The following PRAM1 variants were observed in gnomAD, a reference collection of about 807,000 sequenced individuals.
PRAM1 encodes the protein PML-RARA-regulated adapter molecule 1.
Under a neutral mutation model 55.3 loss-of-function variants are expected in PRAM1, and 41 were observed. The ratio of observed to expected loss-of-function variants is 0.74; its 90% CI spans 0.58 to 0.96. PRAM1 has a LOEUF of 0.96. Ranked by LOEUF, PRAM1 falls within the 40% of genes least tolerant of loss-of-function variation. The probability of loss-of-function intolerance (pLI) is 0.00; values close to 1 mark genes in which losing one functional copy is unlikely to be tolerated. For missense variants in PRAM1, 898 were observed against 892.7 expected (o/e 1.01, Z -0.08); for synonymous variants, 401 against 387.1 (o/e 1.04, Z -0.42).
chr19:8,498,199 C>G (rs370225663), intron 3 of PRAM1, 24 bp downstream of exon 3: 62 of 1,607,390 alleles, frequency 3.9e-5, no homozygotes, highest in African/African-American at 1.3e-5. Context: ...TCCGCACCCA[C>G]CTCCGCTTCC....
Position 8,499,259 on chromosome 19 carries a change from G to A in PRAM1, c.549C>T (p.Pro183=). 6.2e-7 allele frequency: 1 copy of A among 1,610,676 alleles called. No homozygotes were observed. The highest frequency in any genetic ancestry group is 8.5e-7 in the Non-Finnish European group (1 of 1,177,978). Reference sequence around the variant, plus strand: ...GCTTCCTGGGGAATGCGCCGGATTTGGGTTCGGAGGGGGGTCTGGCGGGGT... The same window carrying A: ...GCTTCCTGGGGAATGCGCCGGATTTAGGTTCGGAGGGGGGTCTGGCGGGGT... ...LSHPARPPSE[P]KSGAFPRKLW... is the part of the protein sequence containing the mutation. Residue 183 remains proline, a synonymous_variant, in exon 2 of 10, where the codon CCC becomes CCT. Transcript: ENST00000423345.
chr19:8,498,694 G>A lies in PRAM1; in HGVS notation c.1114C>T (p.Pro372Ser), dbSNP rs1568316816. Residue 372 changes from proline to serine, a missense_variant, in exon 2 of 10, where the codon CCT becomes TCT. Physicochemically the swap from Pro to Ser is moderately conservative, Grantham distance 74 (BLOSUM62 -1). Transcript: ENST00000423345. Reference protein sequence around the residue: ...PSAVLKRHPQPEFFGDLPRKP... With the variant: ...PSAVLKRHPQSEFFGDLPRKP... ...CGAGGGAGATCACCGAAGAACTCAG[G>A]CTGCGGGTGTCTCTTGAGGACAGCG... 1.9e-6 allele frequency: 3 copies of A among 1,603,266 alleles called. No individual in the cohort carries two copies. Among genetic ancestry groups the A allele is most frequent in the Non-Finnish European group, 2.6e-6 (3 of 1,175,498 alleles).
intron 1 of PRAM1, among the ~76,000 whole-genome samples, chr19:8,500,162 A>G (rs926521066): frequency 2.1e-5 from 3 of 145,138 alleles, no homozygotes; most frequent in Admixed American, 1.4e-4. Flanking sequence ...GCTGGAGAGC[A>G]GTGGTGCAAT....
At chr19:8,493,000 A>G (rs1428464669) in intron 4 of PRAM1, among the ~76,000 whole-genome samples, 1 of 152,128 alleles carries the variant, frequency 6.6e-6, no homozygotes, top group East Asian at 1.9e-4. Flanking sequence ...CTGTCTCAAA[A>G]TAGTAAATAA....
intron 1 of PRAM1, among the ~76,000 whole-genome samples, chr19:8,500,094 A>AC (rs1221239280): frequency 4.1e-5 from 2 of 48,234 alleles, no homozygotes; most frequent in East Asian, 1.3e-3. Flanking sequence ...AGCATCCTTG[A>AC]CCCCCTCATT....
chr19:8,494,221 T>C (rs1281278418), intron 4 of PRAM1, among the ~76,000 whole-genome samples: 3 of 152,144 alleles, frequency 2.0e-5, no homozygotes, highest in Non-Finnish European at 4.4e-5. Context: ...AGGCAGATGC[T>C]CCTAGCCTCG....
At position 8,499,281 on chromosome 19, in the gene PRAM1, G is replaced by T; in HGVS notation, c.527C>A (p.Pro176His). ...TTTGGGTTCGGAGGGGGGTCTGGCG[G>T]GGTGACTGAGTTCGTCGGGCTGCAG... ...KPLQPDELSH[P>H]ARPPSEPKSG... Residue 176 changes from proline (P) to histidine (H), a missense_variant, in exon 2 of 10, where the codon CCC (proline) becomes CAC (histidine). By Grantham distance (77) the Pro-to-His change is moderately conservative. Coordinates refer to ENST00000423345, the MANE Select transcript of PRAM1 (RefSeq NM_032152.5). 1 of 1,609,762 alleles carries T rather than the reference G, an allele frequency of 6.2e-7. No homozygotes were observed.
Position 8,490,300 on chromosome 19 carries a change from G to T in PRAM1, c.1975+38C>A, listed in dbSNP as rs1259272649. The T allele has an allele frequency of 1.2e-6, 2 of 1,613,872 alleles. No homozygotes were observed. Among genetic ancestry groups the T allele is most frequent in the Non-Finnish European group, 8.5e-7 (1 of 1,179,828 alleles). ...TAGTGAGCAGCGCCCCCGGGGAATC[G>T]CCAGGGTCCCTCCAGCCCTCCCAGA... On this transcript the variant is annotated intron_variant, in intron 9 of 9. Coordinates refer to ENST00000423345, the MANE Select transcript of PRAM1 (RefSeq NM_032152.5). This position sits in a 1 kb window ranked among gnomAD's most constrained non-coding sequence, Gnocchi z 7.3.
At chr19:8,500,002 T>C (rs1971783787) in intron 1 of PRAM1, among the ~76,000 whole-genome samples, 1 of 151,788 alleles carries the variant, frequency 6.6e-6, no homozygotes, top group Non-Finnish European at 1.5e-5. Flanking sequence ...CAACCTCCTC[T>C]AGCAGCACTG....
At chr19:8,500,835 G>A (rs1010741916) in intron 1 of PRAM1, among the ~76,000 whole-genome samples, 1 of 152,084 alleles carries the variant, frequency 6.6e-6, no homozygotes, top group Non-Finnish European at 1.5e-5. Context: ...GCGCGATCTC[G>A]GCTCACTGCA....
intron 1 of PRAM1, among the ~76,000 whole-genome samples, chr19:8,501,201 C>T (rs1167503620): frequency 1.3e-5 from 2 of 150,830 alleles, no homozygotes; most frequent in African/African-American, 2.4e-5. Context: ...TGGGTTCAAG[C>T]GATTCTCAGC....
intron 3 of PRAM1, 106 bp downstream of exon 3, chr19:8,498,117 A>T: frequency 8.3e-7 from 1 of 1,207,974 alleles, no homozygotes; most frequent in Non-Finnish European, 1.2e-6. Flanking sequence ...TGACTTCAGG[A>T]GATCCGCCCA....
rs770313131 is a variant in PRAM1 at position 8,499,497 on chromosome 19, G to A, written c.311C>T (p.Pro104Leu). ...GACCTCAGGCGGCGGGGGCTTCTTG[G>A]GGAGGTCAGTGACCTCAGGCGGCGG... Reference protein sequence around the residue: ...KPPPPEVTDLPKKPPPPEVTD... With the variant: ...KPPPPEVTDLLKKPPPPEVTD... The change falls in exon 2 of 10, where the codon CCC becomes CTC. Residue 104 changes from proline (P) to leucine (L), a missense_variant. By Grantham distance (98) the Pro-to-Leu change is moderately conservative. Around this residue, in one of 4 missense-constraint regions of PRAM1, gnomAD observed 30 missense variants for 44.6 expected, o/e 0.67. Coordinates refer to ENST00000423345, the MANE Select transcript of PRAM1 (RefSeq NM_032152.5). 9 of 1,587,314 alleles carry A rather than the reference G, an allele frequency of 5.7e-6. No homozygotes were observed. The highest frequency in any genetic ancestry group is 7.7e-6 in the Non-Finnish European group (9 of 1,171,776).
rs1379611989 is a variant in PRAM1, at chr19:8,490,549, G to T, written c.1907-40C>A. On this transcript the variant is annotated intron_variant, in intron 7 of 9. Coordinates refer to ENST00000423345, the MANE Select transcript of PRAM1 (RefSeq NM_032152.5). The surrounding 1 kb of genome is among the most constrained non-coding windows in gnomAD (Gnocchi z 7.3). ...GGCATGGTGGGTTCTGAGGCCCAGG[G>T]TGGCGGCGGGGACCTCCCGGGGCTG... 6.2e-7 allele frequency: 1 copy of T among 1,602,158 alleles called. No homozygotes were observed. Among genetic ancestry groups the T allele is most frequent in the Non-Finnish European group, 8.5e-7 (1 of 1,174,734 alleles).
chr19:8,492,241 T>TC (rs1971640567), intron 4 of PRAM1, among the ~76,000 whole-genome samples: 1 of 142,520 alleles, frequency 7.0e-6, no homozygotes, highest in Non-Finnish European at 1.5e-5. Flanking sequence ...AGCCGTTTTT[T>TC]TTTTTGTTTC....
chr19:8,497,635 C>T, intron 4 of PRAM1, 129 bp downstream of exon 4: 1 of 702,954 alleles, frequency 1.4e-6, no homozygotes, highest in Non-Finnish European at 2.4e-6. Context: ...CTCTGGGCTC[C>T]CCTTATGTAG....
intron 1 of PRAM1, among the ~76,000 whole-genome samples, chr19:8,501,507 ATTTTTTTTTTTT>A (rs773534887): frequency 1.9e-5 from 2 of 102,858 alleles, no homozygotes; most frequent in Admixed American, 1.1e-4. Context: ...ATGTGTCTTG[ATTTTTTTTTTTT>A]TTTTTTTTTG....
Position 8,492,271 on chromosome 19 carries a change from T to A in PRAM1, c.1577-1114A>T, listed in dbSNP as rs1038806654. The stretch of plus-strand genomic sequence containing the variant: ...TGTTTCTTTTGTTTTTGTTTTTGTT[T>A]TTGAGACGGAGTTTCATTCTTGTTG... On this transcript the variant is annotated intron_variant, in intron 4 of 9. Transcript: ENST00000423345. 8.7e-5 allele frequency among the ~76,000 whole-genome samples: 13 copies of A among 150,078 alleles called. No homozygotes were observed. The South Asian group carries it at 1.9e-3, about 22-fold the overall frequency.
At position 8,490,300 on chromosome 19, in the gene PRAM1, G is replaced by A. The variant is rs1259272649; in HGVS notation, c.1975+38C>T. ...TAGTGAGCAGCGCCCCCGGGGAATC[G>A]CCAGGGTCCCTCCAGCCCTCCCAGA... On this transcript the variant is annotated intron_variant, in intron 9 of 9. Coordinates refer to ENST00000423345, the MANE Select transcript of PRAM1 (RefSeq NM_032152.5). This position sits in a 1 kb window ranked among gnomAD's most constrained non-coding sequence, Gnocchi z 7.3. The A allele has an allele frequency of 3.1e-6, 5 of 1,613,754 alleles. No individual in the cohort carries two copies. The highest frequency in any genetic ancestry group is 3.4e-6 in the Non-Finnish European group (4 of 1,179,836).
Sources: gnomAD v4.1 joint callset for allele counts (sites outside exome capture counted in the v4.1 genomes callset) on GRCh38, gnomAD v4.1.1 for gene constraint, gnomAD v4.1.1 regional missense constraint, Gnocchi (gnomAD v3.1) non-coding constraint, MANE v1.5 for transcripts, NCBI Gene and HGNC (gene_info 2026-07-23, HGNC 2026-07-21) for gene names.